The following LRCH3 variants were observed in gnomAD, a reference collection of about 807,000 sequenced individuals.
The protein encoded by LRCH3 is leucine rich repeats and calponin homology domain containing 3.
LRCH3 carries 68 observed loss-of-function variants against 104.5 expected under a neutral mutation model. The observed-to-expected ratio is 0.65, with a 90% confidence interval of 0.54 to 0.80. LRCH3 has a LOEUF of 0.80. Among genes scored for constraint, LRCH3 ranks in the 30% least tolerant of loss-of-function variants. The probability of loss-of-function intolerance (pLI) is 0.00; values close to 1 mark genes in which losing one functional copy is unlikely to be tolerated. For synonymous variants in LRCH3, 344 were observed against 361.3 expected (o/e 0.95, Z 0.54); for missense variants, 951 against 953.9 (o/e 1.00, Z 0.04).
chr3:197,838,324 G>C (rs961016485), intron 9 of LRCH3, among the ~76,000 whole-genome samples: 1 of 152,218 alleles, frequency 6.6e-6, no homozygotes, highest in Non-Finnish European at 1.5e-5. Context: ...CAGAGTTGTA[G>C]AATTGTAGTT....
chr3:197,792,351 T>A (rs1580495648), intron 1 of LRCH3, among the ~76,000 whole-genome samples: 1 of 150,890 alleles, frequency 6.6e-6, no homozygotes, highest in Non-Finnish European at 1.5e-5. Context: ...CATTACTTCG[T>A]GTTATGTATG....
intron 6 of LRCH3, 26 bp downstream of exon 6, chr3:197,829,699 A>G: frequency 2.7e-6 from 4 of 1,479,968 alleles, no homozygotes; most frequent in South Asian, 1.2e-5. Flanking sequence ...CCCTTTATCT[A>G]TCATATTTTT....
At chr3:197,800,181 C>T (rs1385068606) in intron 1 of LRCH3, among the ~76,000 whole-genome samples, 2 of 150,824 alleles carry the variant, frequency 1.3e-5, no homozygotes, top group Admixed American at 6.6e-5. Flanking sequence ...CCAGCCTAGG[C>T]GACAGAGTGA....
At chr3:197,864,436 C>T (rs1443408964) in intron 15 of LRCH3, among the ~76,000 whole-genome samples, 2 of 149,556 alleles carry the variant, frequency 1.3e-5, no homozygotes, top group Non-Finnish European at 2.9e-5. Flanking sequence ...GGAGAAACCC[C>T]GTATCTACTA....
chr3:197,870,661 C>T (rs1238688344), intron 18 of LRCH3, among the ~76,000 whole-genome samples: 2 of 151,956 alleles, frequency 1.3e-5, no homozygotes, highest in Admixed American at 1.3e-4. Flanking sequence ...CTTCCGCGCC[C>T]GGCTGTAATT....
chr3:197,832,701 T>TC (rs1736123792), intron 8 of LRCH3, among the ~76,000 whole-genome samples: 1 of 151,296 alleles, frequency 6.6e-6, no homozygotes, highest in African/African-American at 2.4e-5. Flanking sequence ...TTTTTTTTTT[T>TC]CAGTGTTTAC....
chr3:197,880,081 G>A (rs948192567), intron 20 of LRCH3, among the ~76,000 whole-genome samples: 33 of 151,318 alleles, frequency 2.2e-4, no homozygotes, highest in South Asian at 2.1e-3. Context: ...GAGTAGCTGG[G>A]ACTACAGGCG....
intron 9 of LRCH3, among the ~76,000 whole-genome samples, chr3:197,838,222 C>T (rs1175377155): frequency 2.6e-5 from 4 of 152,218 alleles, no homozygotes; most frequent in Non-Finnish European, 4.4e-5. Flanking sequence ...CAGTTTGAGG[C>T]CGGCCTGGGC....
rs1560069287 is a variant in LRCH3, at chr3:197,884,297, G to GGT, written c.*633_*634dup. 1 of 152,596 alleles carries GGT rather than the reference G, an allele frequency of 6.6e-6. No individual in the cohort carries two copies. The highest frequency in any genetic ancestry group is 1.9e-4 in the East Asian group (1 of 5,196). The allele number at this position is 152,596 out of a possible 1,614,324, so 9.5% of individuals were successfully genotyped here. A position where few individuals can be genotyped will look rare whatever the true frequency, so the allele number is the denominator to read the frequency against. ...AGCCTCCCGAGTAGCTGGGACAACAGGTGCCCGCCACCATGCCTGGCTAAT... is the reference window on the plus strand; with the variant it reads ...AGCCTCCCGAGTAGCTGGGACAACAGGTGTGCCCGCCACCATGCCTGGCTAAT... On this transcript the variant is annotated 3_prime_UTR_variant, in exon 21 of 21. Transcript: ENST00000425562.
At chr3:197,875,819 T>G in intron 20 of LRCH3, 44 bp downstream of exon 20, 1 of 1,279,472 alleles carries the variant, frequency 7.8e-7, no homozygotes, top group Non-Finnish European at 1.1e-6. Context: ...TAGACTTGGT[T>G]GTCCTAAAAT....
chr3:197,827,179 A>AACCATAGTGGAAGCATCAGGTAG (rs1560547951), intron 5 of LRCH3, among the ~76,000 whole-genome samples, 165 bp downstream of exon 5: 5 of 151,782 alleles, frequency 3.3e-5, no homozygotes, highest in African/African-American at 1.2e-4. Context: ...GCATCAGGTA[A>AACCATAGTGGAAGCATCAGGTAG]ACCATAGTGG....
At chr3:197,828,506 T>C (rs1215294784) in intron 5 of LRCH3, among the ~76,000 whole-genome samples, 65 of 145,646 alleles carry the variant, frequency 4.5e-4, no homozygotes, top group East Asian at 2.3e-3. Context: ...CCACCATGCC[T>C]GGCTAATTTT....
chr3:197,871,226 T>G lies in LRCH3; in HGVS notation c.1993-99T>G, dbSNP rs1347556130. The G allele has an allele frequency of 1.8e-5, 18 of 998,184 alleles. No individual in the cohort carries two copies. The East Asian group carries it at 4.3e-4, about 24-fold the overall frequency. The allele number at this position is 998,184 out of a possible 1,614,324, so 61.8% of individuals were successfully genotyped here. A position where few individuals can be genotyped will look rare whatever the true frequency, so the allele number is the denominator to read the frequency against. On this transcript the variant is annotated intron_variant, in intron 18 of 20. Transcript: ENST00000425562. ...ATGGATATTGTGGTACTTATTTCCT[T>G]TTTATCTTGATTTTTAATTAGATTT...
intron 1 of LRCH3, among the ~76,000 whole-genome samples, chr3:197,796,332 G>A (rs1377680545): frequency 1.3e-5 from 2 of 152,090 alleles, no homozygotes; most frequent in Non-Finnish European, 2.9e-5. Flanking sequence ...CATTATGCTG[G>A]GTAATGTAGA....
chr3:197,881,384 G>A (rs1010430395), intron 20 of LRCH3: 1 of 986,876 alleles, frequency 1.0e-6, no homozygotes, highest in African/African-American at 1.7e-5. Flanking sequence ...GCTCTTCTGA[G>A]CCCAGTCTAT....
At chr3:197,813,180 C>A (rs1009402766) in intron 1 of LRCH3, among the ~76,000 whole-genome samples, 4 of 152,154 alleles carry the variant, frequency 2.6e-5, no homozygotes, top group African/African-American at 9.7e-5. Context: ...ATAATCACAT[C>A]AGGGTAAATG....
intron 10 of LRCH3, among the ~76,000 whole-genome samples, chr3:197,845,829 T>C (rs1207143931): frequency 6.6e-6 from 1 of 152,222 alleles, no homozygotes; most frequent in East Asian, 1.9e-4. Context: ...CTCTTGAACC[T>C]GGGAGGTGGA....
chr3:197,844,904 G>T (rs9811328), intron 10 of LRCH3, among the ~76,000 whole-genome samples: 18,444 of 152,044 alleles, frequency 0.12, 2,185 homozygotes, highest in African/African-American at 0.31. Context: ...ATTACAGGCG[G>T]GAGCCACTGC....
chr3:197,846,585 A>T (rs1327855692), intron 10 of LRCH3, among the ~76,000 whole-genome samples: 3 of 151,568 alleles, frequency 2.0e-5, no homozygotes, highest in Admixed American at 2.0e-4. Context: ...GCTGGGCGTG[A>T]TGGCTGGAGC....
Sources: allele counts gnomAD v4.1 joint callset (sites outside exome capture counted in the v4.1 genomes callset), GRCh38; gene constraint gnomAD v4.1.1; transcripts MANE v1.5; gene names NCBI Gene and HGNC (gene_info 2026-07-23, HGNC 2026-07-21).